GPC5: variants seen among roughly 807,000 people sequenced by gnomAD.
GPC5 encodes the protein glypican-5.
Under a neutral mutation model 53.9 loss-of-function variants are expected in GPC5, and 47 were observed. The observed-to-expected ratio is 0.87, with a 90% confidence interval of 0.69 to 1.11. The LOEUF is 1.11. Among genes scored for constraint, GPC5 ranks in the 50% most tolerant of loss-of-function variants. GPC5 has a pLI of 0.00. For missense variants in GPC5, 748 were observed against 713.1 expected (o/e 1.05, Z -0.56); for synonymous variants, 286 against 263.3 (o/e 1.09, Z -0.84).
intron 7 of GPC5, chr13:92,510,129 T>C (rs576906017): frequency 6.6e-6 from 1 of 152,320 alleles, no homozygotes; most frequent in Non-Finnish European, 1.5e-5. Flanking sequence ...TCTGACAACA[T>C]AATTTCTTAT....
In GPC5 at chr13:92,347,893, A is replaced by G. The variant is rs1390269581; in HGVS notation, c.1561+202904A>G. Reference sequence around the variant, plus strand: ...ATATATAATATATATTATATATATTATATATATAATATATATATAATATAT... The same window carrying G: ...ATATATAATATATATTATATATATTGTATATATAATATATATATAATATAT... On this transcript the variant is annotated intron_variant, in intron 7 of 7. Transcript: ENST00000377067. Among the ~76,000 whole-genome samples, 92 of 9,638 alleles carry G rather than the reference A, an allele frequency of 9.5e-3. 30 individuals are homozygous for G. The East Asian group carries it at 0.14, about 14-fold the overall frequency. The allele number at this position is 9,638 out of a possible 152,430, so 6.3% of individuals were successfully genotyped here.
At chr13:91,505,656 A>G (rs1884899769) in intron 2 of GPC5, among the ~76,000 whole-genome samples, 1 of 152,130 alleles carries the variant, frequency 6.6e-6, no homozygotes, top group African/African-American at 2.4e-5. Flanking sequence ...TTATCTTCCA[A>G]CATTTTGTTA....
At chr13:92,279,959 T>G (rs1010928823) in intron 7 of GPC5, among the ~76,000 whole-genome samples, 1 of 152,150 alleles carries the variant, frequency 6.6e-6, no homozygotes, top group Non-Finnish European at 1.5e-5. Flanking sequence ...ATTTTTATTT[T>G]TGGCAGAAGT....
chr13:91,611,127 T>C (rs1306654396), intron 2 of GPC5, among the ~76,000 whole-genome samples: 1 of 152,212 alleles, frequency 6.6e-6, no homozygotes, highest in Non-Finnish European at 1.5e-5. Context: ...CCAAATTGCT[T>C]CCTTAATGAG....
intron 2 of GPC5, among the ~76,000 whole-genome samples, chr13:91,572,407 A>C (rs1315847837): frequency 6.6e-6 from 1 of 151,928 alleles, no homozygotes; most frequent in African/African-American, 2.4e-5. Context: ...CTATAAAGAA[A>C]AAAGGTTTAT....
intron 7 of GPC5, among the ~76,000 whole-genome samples, chr13:92,286,986 G>A (rs751025822): frequency 6.6e-6 from 1 of 152,154 alleles, no homozygotes; most frequent in Non-Finnish European, 1.5e-5. Context: ...AACGCTAGAG[G>A]CCCTCAGAAG....
chr13:92,230,554 C>A (rs1187969716), intron 7 of GPC5, among the ~76,000 whole-genome samples: 2 of 152,144 alleles, frequency 1.3e-5, no homozygotes, highest in Admixed American at 1.3e-4. Context: ...CTGTGATAAT[C>A]TTTTCCTTAT....
At chr13:92,199,304 T>C (rs191370762) in intron 7 of GPC5, among the ~76,000 whole-genome samples, 3 of 152,318 alleles carry the variant, frequency 2.0e-5, no homozygotes, top group African/African-American at 7.2e-5. Flanking sequence ...CCTGACCCAC[T>C]CAATATAAAA....
chr13:92,274,758 G>C (rs2042863875), intron 7 of GPC5, among the ~76,000 whole-genome samples: 1 of 150,826 alleles, frequency 6.6e-6, no homozygotes, highest in African/African-American at 2.5e-5. Flanking sequence ...CTGAGGAGAC[G>C]ACAACAGAGT....
At chr13:92,160,281 A>G (rs2139004910) in intron 7 of GPC5, among the ~76,000 whole-genome samples, 1 of 152,302 alleles carries the variant, frequency 6.6e-6, no homozygotes, top group South Asian at 2.1e-4. Context: ...TATATCTAAA[A>G]TGGTTCCTGT....
At chr13:92,740,491 T>A (rs1471483120) in intron 7 of GPC5, among the ~76,000 whole-genome samples, 3 of 152,078 alleles carry the variant, frequency 2.0e-5, no homozygotes, top group African/African-American at 7.2e-5. Flanking sequence ...CAGTAGGAAC[T>A]TATTGCATGT....
chr13:92,347,874 A>ATT (rs1484519798), intron 7 of GPC5, among the ~76,000 whole-genome samples: 3 of 6,646 alleles, frequency 4.5e-4, no homozygotes, highest in South Asian at 6.4e-3. Context: ...TTATATATAT[A>ATT]ATATATATTA....
Position 91,702,572 on chromosome 13 carries a change from G to C in GPC5, c.1020+8691G>C, listed in dbSNP as rs564976069. Among the ~76,000 whole-genome samples, 5 of 152,102 alleles carry C rather than the reference G, an allele frequency of 3.3e-5. No homozygotes were observed. The East Asian group carries it at 7.7e-4, about 23-fold the overall frequency. ...AACTTTGTAGTATATTTTGAAGTCA[G>C]GCAGTGTGATGCCTTATTCTTATTG... On this transcript the variant is annotated intron_variant, in intron 3 of 7. Transcript: ENST00000377067.
intron 6 of GPC5, among the ~76,000 whole-genome samples, chr13:91,972,896 A>T (rs1314180806): frequency 6.6e-6 from 1 of 152,130 alleles, no homozygotes; most frequent in Non-Finnish European, 1.5e-5. Context: ...GGCTGCCCTT[A>T]ACATTTTTTC....
At position 92,171,770 on chromosome 13, in the gene GPC5, T is replaced by C. The variant is rs138191937; in HGVS notation, c.1561+26781T>C. Among the ~76,000 whole-genome samples the C allele has an allele frequency of 1.7e-3, 264 of 152,352 alleles. 1 individual carries two copies. Among genetic ancestry groups the C allele is most frequent in the African/African-American group, 5.9e-3 (245 of 41,580 alleles). ...TTAATGCATAGGTAATTGAGACCTG[T>C]ATGTCTCTAACCCAAATGTTTCTTC... On this transcript the variant is annotated intron_variant, in intron 7 of 7. Coordinates refer to ENST00000377067, the MANE Select transcript of GPC5 (RefSeq NM_004466.6).
At chr13:92,180,151 G>C (rs2139034301) in intron 7 of GPC5, among the ~76,000 whole-genome samples, 1 of 152,250 alleles carries the variant, frequency 6.6e-6, no homozygotes, top group East Asian at 1.9e-4. Flanking sequence ...AGGATACCCA[G>C]CTTATGCATG....
intron 7 of GPC5, among the ~76,000 whole-genome samples, chr13:92,695,444 T>C (rs1257675795): frequency 6.6e-6 from 1 of 152,188 alleles, no homozygotes; most frequent in Non-Finnish European, 1.5e-5. Flanking sequence ...TGATTAGCCT[T>C]TTCTATGGGT....
At chr13:92,043,375 G>T (rs989878606) in intron 6 of GPC5, among the ~76,000 whole-genome samples, 2 of 152,128 alleles carry the variant, frequency 1.3e-5, no homozygotes, top group Non-Finnish European at 2.9e-5. Context: ...TTAAACCAGG[G>T]GTGAGGCTGT....
chr13:92,408,174 G>A (rs1875876459), intron 7 of GPC5, among the ~76,000 whole-genome samples: 1 of 152,134 alleles, frequency 6.6e-6, no homozygotes, highest in African/African-American at 2.4e-5. Flanking sequence ...CCCATGCGAG[G>A]GATCTAGGTT....
Sources: allele counts gnomAD v4.1 joint callset (sites outside exome capture counted in the v4.1 genomes callset), GRCh38; gene constraint gnomAD v4.1.1; transcripts MANE v1.5; gene names NCBI Gene and HGNC (gene_info 2026-07-23, HGNC 2026-07-21).